ELF1: variants seen among roughly 807,000 people sequenced by gnomAD.
ELF1 encodes E74 like ETS transcription factor 1, also known as ETS-related transcription factor Elf-1.
A neutral mutation model predicts 59.9 loss-of-function variants in ELF1; 24 were observed. The observed-to-expected ratio is 0.40, with a 90% CI of 0.29 to 0.56. The LOEUF is 0.56. Among genes scored for constraint, ELF1 ranks in the 20% least tolerant of loss-of-function variants. The pLI is 0.44. For missense variants in ELF1, 627 were observed against 742.2 expected (o/e 0.84, Z 1.80); for synonymous variants, 248 against 266.2 (o/e 0.93, Z 0.67).
chr13:41,055,480 A>G (rs1877250756), intron 1 of ELF1, among the ~76,000 whole-genome samples: 1 of 151,086 alleles, frequency 6.6e-6, no homozygotes, highest in South Asian at 2.1e-4. Flanking sequence ...TTCCCCTCAC[A>G]CAAACTCAGA....
At chr13:41,028,444 C>G (rs1473429648) in intron 1 of ELF1, among the ~76,000 whole-genome samples, 5 of 152,134 alleles carry the variant, frequency 3.3e-5, no homozygotes, top group African/African-American at 7.2e-5. Context: ...TTTGGGTCAC[C>G]CCACCAAATA....
intron 1 of ELF1, among the ~76,000 whole-genome samples, chr13:41,035,564 G>C (rs1001055908): frequency 2.0e-5 from 3 of 152,022 alleles, no homozygotes; most frequent in African/African-American, 7.2e-5. Context: ...TGGTAGCCCT[G>C]TTTAGGAATC....
intron 6 of ELF1, 73 bp from the exon 7 acceptor site, chr13:40,943,217 G>T: frequency 7.9e-7 from 1 of 1,268,740 alleles, no homozygotes; most frequent in Non-Finnish European, 1.0e-6. Flanking sequence ...ACAACTAAAA[G>T]TCTTAGAAGT....
At chr13:41,015,224 A>T (rs1171368900) in intron 1 of ELF1, among the ~76,000 whole-genome samples, 1 of 152,146 alleles carries the variant, frequency 6.6e-6, no homozygotes, top group East Asian at 1.9e-4. Context: ...TAGGTTAATT[A>T]CATTAAAAAA....
chr13:40,974,889 A>G (rs573724381), intron 2 of ELF1, among the ~76,000 whole-genome samples: 2 of 152,338 alleles, frequency 1.3e-5, no homozygotes, highest in African/African-American at 2.4e-5. Flanking sequence ...CTCAGCCTTT[A>G]TGCAAAGTCA....
At position 40,992,013 on chromosome 13, in the gene ELF1, G is replaced by GA. The variant is rs200013519; in HGVS notation, c.-228-9732dup. On this transcript the variant is annotated intron_variant, in intron 1 of 8. Transcript: ENST00000239882. ...AATCAGATGTTTATTGTATGTTTTG[G>GA]AAAAAAATAGGGGAAAGTGCATTAA... Among the ~76,000 whole-genome samples the GA allele has an allele frequency of 2.6e-4, 39 of 151,970 alleles. 2 individuals are homozygous for GA. In the South Asian group the frequency reaches 8.1e-3, roughly 32 times the overall value.
At chr13:40,990,249 C>A (rs536831532) in intron 1 of ELF1, among the ~76,000 whole-genome samples, 75 of 152,114 alleles carry the variant, frequency 4.9e-4, no homozygotes, top group African/African-American at 1.8e-3. Flanking sequence ...ATGCACTAAG[C>A]AAAACTACCA....
chr13:41,042,475 T>C (rs1169508847), intron 1 of ELF1, among the ~76,000 whole-genome samples: 2 of 151,090 alleles, frequency 1.3e-5, no homozygotes, highest in Non-Finnish European at 1.5e-5. Context: ...GACCCCACAA[T>C]AGGCCCCAGT....
rs1226290678 is a variant in ELF1 at position 40,958,913 on chromosome 13, T to C, written c.176A>G (p.Asp59Gly). Residue 59 changes from aspartate to glycine, a missense_variant, in exon 3 of 9, where the codon GAC becomes GGC. By Grantham distance (94) the Asp-to-Gly change is moderately conservative. Coordinates refer to ENST00000239882, the MANE Select transcript of ELF1 (RefSeq NM_172373.4). ...AGLACVEEPN[D>G]MITESSLDVA... The stretch of plus-strand genomic sequence containing the variant: ...ATCCAGTGAACTCTCAGTAATCATG[T>C]CATTGGGCTCTTCCACACAGGCTAG... The C allele has an allele frequency of 3.1e-6, 5 of 1,614,034 alleles. No individual in the cohort carries two copies. Among genetic ancestry groups the C allele is most frequent in the South Asian group, 1.1e-5 (1 of 91,068 alleles).
intron 8 of ELF1, among the ~76,000 whole-genome samples, chr13:40,936,299 C>G (rs991129385): frequency 6.6e-6 from 1 of 152,134 alleles, no homozygotes; most frequent in Non-Finnish European, 1.5e-5. Context: ...ATTATTCTAT[C>G]CTTAAACAAT....
chr13:40,993,170 G>C, intron 1 of ELF1: 1 of 1,504,384 alleles, frequency 6.6e-7, no homozygotes, highest in Non-Finnish European at 9.2e-7. Context: ...TAGTGTGTGT[G>C]GTTCTTCCTG....
In ELF1 at chr13:40,943,173, G is replaced by T; in HGVS notation, c.614-29C>A. 3 of 1,449,938 alleles carry T rather than the reference G, an allele frequency of 2.1e-6. No homozygotes were observed. In the South Asian group the frequency reaches 4.9e-5, roughly 24 times the overall value. The allele number at this position is 1,449,938 out of a possible 1,614,324, so 89.8% of individuals were successfully genotyped here. A position where few individuals can be genotyped will look rare whatever the true frequency, so the allele number is the denominator to read the frequency against. On this transcript the variant is annotated intron_variant, in intron 6 of 8. Transcript: ENST00000239882. ...AAACAAAAACAATTTCTTTCTAAATGACCAAAATTTCATTTAAAAGAACCT... is the reference window on the plus strand; with the variant it reads ...AAACAAAAACAATTTCTTTCTAAATTACCAAAATTTCATTTAAAAGAACCT...
At chr13:41,055,004 T>G (rs1877233300) in intron 1 of ELF1, among the ~76,000 whole-genome samples, 1 of 152,212 alleles carries the variant, frequency 6.6e-6, no homozygotes, top group Non-Finnish European at 1.5e-5. Context: ...CTTCTTGATT[T>G]TCATTCATTC....
chr13:41,052,671 A>G (rs929988602), intron 1 of ELF1, among the ~76,000 whole-genome samples: 33 of 152,160 alleles, frequency 2.2e-4, no homozygotes, highest in African/African-American at 7.7e-4. Flanking sequence ...AGCCATGATC[A>G]TGACACAGCA....
chr13:40,967,009 C>A (rs1000430162), intron 2 of ELF1, among the ~76,000 whole-genome samples: 1 of 152,202 alleles, frequency 6.6e-6, no homozygotes, highest in Non-Finnish European at 1.5e-5. Flanking sequence ...GCTCCCCTGA[C>A]TCCAAAGCCT....
At chr13:40,967,910 A>G (rs1872281700) in intron 2 of ELF1, among the ~76,000 whole-genome samples, 1 of 151,716 alleles carries the variant, frequency 6.6e-6, no homozygotes, top group African/African-American at 2.4e-5. Flanking sequence ...TTTATTAATT[A>G]TTTTTTGCTT....
At chr13:40,995,635 A>C (rs765127937) in intron 1 of ELF1, among the ~76,000 whole-genome samples, 3 of 151,460 alleles carry the variant, frequency 2.0e-5, no homozygotes, top group Non-Finnish European at 4.4e-5. Context: ...TTCAACCAAC[A>C]GTGGTAGAAA....
At chr13:40,953,839 G>T (rs1432962119) in intron 3 of ELF1, among the ~76,000 whole-genome samples, 1 of 152,190 alleles carries the variant, frequency 6.6e-6, no homozygotes. Flanking sequence ...CAAAGCTTTG[G>T]TAAGTTGGGA....
chr13:41,011,679 A>C (rs1875071702), intron 1 of ELF1, among the ~76,000 whole-genome samples: 1 of 151,960 alleles, frequency 6.6e-6, no homozygotes, highest in African/African-American at 2.4e-5. Context: ...CCTGGGCCCA[A>C]GTGATCCACC....
Sources: allele counts gnomAD v4.1 joint callset (sites outside exome capture counted in the v4.1 genomes callset), GRCh38; gene constraint gnomAD v4.1.1; transcripts MANE v1.5; gene names NCBI Gene and HGNC (gene_info 2026-07-23, HGNC 2026-07-21).